TMEM117: variants seen among roughly 807,000 people sequenced by gnomAD.
TMEM117 encodes the protein transmembrane protein 117.
A neutral mutation model predicts 52.4 loss-of-function variants in TMEM117; 27 were observed. The ratio of observed to expected loss-of-function variants is 0.51; its 90% CI spans 0.38 to 0.71. The LOEUF (loss-of-function observed/expected upper bound fraction) is 0.71, where lower values mean the gene tolerates loss of function less well. TMEM117 is among the 30% of genes least tolerant of loss of function. The pLI is 0.00. For synonymous variants in TMEM117, 215 were observed against 206.3 expected, an observed-to-expected ratio of 1.04 and a Z score of -0.36; for missense variants, 556 against 630.5, an observed-to-expected ratio of 0.88 and a Z score of 1.26.
downstream of TMEM117, among the ~76,000 whole-genome samples, chr12:44,392,154 C>A (rs141709450): frequency 6.6e-5 from 10 of 152,230 alleles, no homozygotes; most frequent in East Asian, 1.9e-3. Flanking sequence ...TGGCCTAGAA[C>A]TGTCTTATTT....
At chr12:44,287,546 C>T (rs1445899520) in intron 5 of TMEM117, among the ~76,000 whole-genome samples, 1 of 152,160 alleles carries the variant, frequency 6.6e-6, no homozygotes, top group Non-Finnish European at 1.5e-5. Flanking sequence ...TAACTGTTCC[C>T]TGCTGTCCTT....
chr12:44,008,836 G>A, intron 3 of TMEM117: 1 of 443,906 alleles, frequency 2.3e-6, no homozygotes, highest in South Asian at 1.8e-5. Context: ...GAATTATTTG[G>A]TATGTGTGTA....
intron 3 of TMEM117, among the ~76,000 whole-genome samples, chr12:44,087,345 A>G (rs1947587343): frequency 6.6e-6 from 1 of 152,146 alleles, no homozygotes; most frequent in Non-Finnish European, 1.5e-5. Flanking sequence ...CCTTAGAACA[A>G]TGTGCTAAAC....
At chr12:44,357,511 A>G (rs1951666270) in intron 6 of TMEM117, among the ~76,000 whole-genome samples, 1 of 152,154 alleles carries the variant, frequency 6.6e-6, no homozygotes, top group African/African-American at 2.4e-5. Flanking sequence ...ACAAGTGGAT[A>G]GAGTGTGGCT....
At chr12:43,903,635 G>A (rs1178802858) in intron 2 of TMEM117, among the ~76,000 whole-genome samples, 1 of 152,130 alleles carries the variant, frequency 6.6e-6, no homozygotes, top group African/African-American at 2.4e-5. Flanking sequence ...GGGTTTAGGG[G>A]AACTCTGACA....
chr12:43,863,344 T>C (rs1205315868), intron 2 of TMEM117, among the ~76,000 whole-genome samples: 2 of 152,178 alleles, frequency 1.3e-5, no homozygotes, highest in African/African-American at 2.4e-5. Flanking sequence ...GCTAGGAGTT[T>C]AGTGATGTTA....
At chr12:44,259,300 T>C (rs983285945) in intron 5 of TMEM117, among the ~76,000 whole-genome samples, 2 of 152,128 alleles carry the variant, frequency 1.3e-5, no homozygotes, top group Non-Finnish European at 2.9e-5. Context: ...CCATACTCTA[T>C]GATGTGGTTA....
intron 3 of TMEM117, among the ~76,000 whole-genome samples, chr12:43,991,437 T>TTATCTATC (rs58794606): frequency 0.058 from 8,753 of 150,136 alleles, 604 homozygotes; most frequent in African/African-American, 0.17. Context: ...ATATTTATTG[T>TTATCTATC]TATCTATCTA....
chr12:44,255,836 T>A (rs1950254084), intron 5 of TMEM117, among the ~76,000 whole-genome samples: 1 of 152,128 alleles, frequency 6.6e-6, no homozygotes, highest in African/African-American at 2.4e-5. Flanking sequence ...TATTAGCATT[T>A]AAAAAATATT....
At chr12:44,250,338 G>T (rs1442299476) in intron 5 of TMEM117, among the ~76,000 whole-genome samples, 1 of 152,086 alleles carries the variant, frequency 6.6e-6, no homozygotes, top group East Asian at 1.9e-4. Flanking sequence ...TCAGGAAACG[G>T]TAGATACTGG....
the TMEM117 span, among the ~76,000 whole-genome samples, chr12:43,821,099 TA>T: frequency 3.1e-3 from 348 of 112,168 alleles, no homozygotes; most frequent in Middle Eastern, 5.0e-3. Context: ...CCTCTCACAT[TA>T]AAAAAAAAAA....
the TMEM117 span, chr12:43,799,636 T>C: frequency 1.6e-5 from 8 of 513,582 alleles, no homozygotes; most frequent in Non-Finnish European, 2.6e-5. Context: ...TTTTAATATC[T>C]TTTTACTTTT....
intron 6 of TMEM117, among the ~76,000 whole-genome samples, chr12:44,367,316 A>G (rs925977147): frequency 6.6e-6 from 1 of 152,096 alleles, no homozygotes; most frequent in Non-Finnish European, 1.5e-5. Context: ...TCTTATCAAT[A>G]TCAACAACCC....
intron 4 of TMEM117, among the ~76,000 whole-genome samples, chr12:44,204,889 A>T (rs934194235): frequency 6.6e-6 from 1 of 152,174 alleles, no homozygotes; most frequent in Non-Finnish European, 1.5e-5. Flanking sequence ...TTCACCATAT[A>T]CAAAAATCAA....
At chr12:43,872,860 C>CT (rs1273256301) in intron 2 of TMEM117, among the ~76,000 whole-genome samples, 2 of 152,092 alleles carry the variant, frequency 1.3e-5, no homozygotes, top group African/African-American at 4.8e-5. Context: ...TTATAGCTTT[C>CT]TTTTTTCCCC....
intron 3 of TMEM117, among the ~76,000 whole-genome samples, chr12:43,998,803 G>A (rs1382796022): frequency 6.6e-6 from 1 of 152,158 alleles, no homozygotes; most frequent in Non-Finnish European, 1.5e-5. Context: ...AGTAAGAGAA[G>A]ATATTTGCAG....
chr12:44,163,663 A>G (rs1315546688), intron 4 of TMEM117, among the ~76,000 whole-genome samples: 2 of 152,232 alleles, frequency 1.3e-5, no homozygotes, highest in Non-Finnish European at 2.9e-5. Context: ...TGATGATTGG[A>G]AAAATTATTT....
chr12:44,294,274 C>T (rs928335522), intron 5 of TMEM117, among the ~76,000 whole-genome samples: 8 of 152,150 alleles, frequency 5.3e-5, no homozygotes, highest in African/African-American at 1.9e-4. Context: ...ATAAAGTATT[C>T]CCTCTCTATC....
intron 5 of TMEM117, among the ~76,000 whole-genome samples, chr12:44,233,235 G>A (rs2138457784): frequency 6.6e-6 from 1 of 151,298 alleles, no homozygotes; most frequent in South Asian, 2.1e-4. Flanking sequence ...AGAGTTCATA[G>A]TTTACCTTTA....
Sources: allele counts gnomAD v4.1 joint callset (sites outside exome capture counted in the v4.1 genomes callset), GRCh38; gene constraint gnomAD v4.1.1; transcripts MANE v1.5; gene names NCBI Gene and HGNC (gene_info 2026-07-23, HGNC 2026-07-21).